Variants in DENND1A observed in about 807,000 individuals in gnomAD.
The protein encoded by DENND1A is DENN domain containing 1A.
In DENND1A, 51 loss-of-function variants were observed where a neutral mutation model predicts 113.7. The observed-to-expected ratio is 0.45, with a 90% CI of 0.36 to 0.57. The LOEUF (loss-of-function observed/expected upper bound fraction) is 0.57. Among genes scored for constraint, DENND1A ranks in the 20% least tolerant of loss-of-function variants. DENND1A has a pLI of 0.00. For missense variants in DENND1A, 1,258 were observed against 1,395.9 expected, an observed-to-expected ratio of 0.90 and a Z score of 1.57; for synonymous variants, 565 against 570.8, an observed-to-expected ratio of 0.99 and a Z score of 0.14.
chr9:123,514,092 GTGTGTATGTGTGTGTGTC>G (rs35270309), intron 13 of DENND1A, among the ~76,000 whole-genome samples: 64,813 of 137,664 alleles, frequency 0.47, 15,594 homozygotes, highest in East Asian at 0.61. Context: ...GTGTGTGTGT[GTGTGTATGTGTGTGTGTC>G]TGTGTGTGTG....
intron 2 of DENND1A, among the ~76,000 whole-genome samples, chr9:123,792,995 T>C (rs1235397964): frequency 6.6e-6 from 1 of 152,154 alleles, no homozygotes; most frequent in Non-Finnish European, 1.5e-5. Flanking sequence ...GTTACAGATG[T>C]GGGCTTGATA....
At chr9:123,837,561 C>T (rs971571297) in intron 2 of DENND1A, among the ~76,000 whole-genome samples, 6 of 152,140 alleles carry the variant, frequency 3.9e-5, no homozygotes, top group African/African-American at 9.6e-5. Flanking sequence ...TGAATAAAAA[C>T]GTTATACATA....
At chr9:123,625,936 G>A (rs1453462738) in intron 10 of DENND1A, among the ~76,000 whole-genome samples, 2 of 152,138 alleles carry the variant, frequency 1.3e-5, no homozygotes, top group Non-Finnish European at 2.9e-5. Context: ...CTGTCACCCA[G>A]ACTGGAGGGC....
At position 123,784,418 on chromosome 9, in the gene DENND1A, A is replaced by T. The variant is rs1474692174; in HGVS notation, c.132+8169T>A. Among the ~76,000 whole-genome samples, 9 of 152,180 alleles carry T rather than the reference A, an allele frequency of 5.9e-5. 1 individual carries two copies. Among genetic ancestry groups the T allele is most frequent in the Non-Finnish European group, 1.3e-4 (9 of 68,020 alleles). On this transcript the variant is annotated intron_variant, in intron 3 of 23. Transcript: ENST00000394215. ...AGCTTTGAGTGTGAATGCAGAGGGA[A>T]ACAGAAGAATAGGACAGACTAGAGA...
At chr9:123,870,671 G>A (rs748191341) in intron 2 of DENND1A, among the ~76,000 whole-genome samples, 19 of 151,904 alleles carry the variant, frequency 1.3e-4, no homozygotes, top group Admixed American at 9.2e-4. Context: ...TCCTGACCTC[G>A]TGATCCGCCC....
chr9:123,449,113 T>C (rs1057237745), intron 18 of DENND1A, among the ~76,000 whole-genome samples: 2 of 152,214 alleles, frequency 1.3e-5, no homozygotes, highest in African/African-American at 2.4e-5. Context: ...AAGGTGGCCC[T>C]GGGCAAATGA....
chr9:123,712,130 A>G (rs889967769), intron 5 of DENND1A, among the ~76,000 whole-genome samples: 2 of 152,218 alleles, frequency 1.3e-5, no homozygotes, highest in Non-Finnish European at 2.9e-5. Flanking sequence ...TATAAAATCT[A>G]CAACATCAAC....
chr9:123,660,115 T>A (rs138831253), intron 8 of DENND1A, among the ~76,000 whole-genome samples: 46 of 152,318 alleles, frequency 3.0e-4, no homozygotes, highest in African/African-American at 1.1e-3. Flanking sequence ...GTCGCTACAC[T>A]GTGCTTACGA....
At chr9:123,902,906 A>G (rs1228442005) in intron 1 of DENND1A, among the ~76,000 whole-genome samples, 1 of 152,118 alleles carries the variant, frequency 6.6e-6, no homozygotes, top group African/African-American at 2.4e-5. Context: ...ATACAGATGT[A>G]AACATAAAAC....
intron 13 of DENND1A, among the ~76,000 whole-genome samples, chr9:123,546,643 T>C (rs1448725833): frequency 6.6e-6 from 1 of 152,120 alleles, no homozygotes. Flanking sequence ...GAAACAGGTA[T>C]CAGTCATTCA....
chr9:123,609,317 G>T, intron 11 of DENND1A, 119 bp downstream of exon 11: 2 of 1,088,866 alleles, frequency 1.8e-6, no homozygotes, highest in South Asian at 1.5e-5. Context: ...GCTGGGAGGT[G>T]CTGCTTCAGC....
intron 5 of DENND1A, among the ~76,000 whole-genome samples, chr9:123,728,672 T>C (rs2067929596): frequency 6.6e-6 from 1 of 151,920 alleles, no homozygotes; most frequent in African/African-American, 2.4e-5. Context: ...ATTTTAAAAA[T>C]GAAAAACACA....
intron 5 of DENND1A, among the ~76,000 whole-genome samples, chr9:123,677,657 C>T (rs1034330177): frequency 3.9e-5 from 6 of 152,236 alleles, no homozygotes; most frequent in South Asian, 2.1e-4. Flanking sequence ...TGGTCTCGAA[C>T]TCCTGAACTC....
chr9:123,744,666 C>A (rs1226083611), intron 5 of DENND1A, among the ~76,000 whole-genome samples: 1 of 151,872 alleles, frequency 6.6e-6, no homozygotes, highest in Non-Finnish European at 1.5e-5. Flanking sequence ...TGCCCACATA[C>A]ATCTCACCTA....
intron 10 of DENND1A, among the ~76,000 whole-genome samples, chr9:123,625,325 A>C (rs2061155841): frequency 1.3e-5 from 2 of 152,264 alleles, no homozygotes; most frequent in African/African-American, 4.8e-5. Flanking sequence ...AGTGTTCAAC[A>C]GTGGCAGCTA....
At chr9:123,839,150 T>C (rs1356569553) in intron 2 of DENND1A, among the ~76,000 whole-genome samples, 1 of 151,928 alleles carries the variant, frequency 6.6e-6, no homozygotes, top group African/African-American at 2.4e-5. Context: ...GCTTGAAAGA[T>C]CATATAGACC....
intron 11 of DENND1A, among the ~76,000 whole-genome samples, chr9:123,593,585 C>G (rs748225677): frequency 6.6e-6 from 1 of 152,162 alleles, no homozygotes; most frequent in Non-Finnish European, 1.5e-5. Context: ...GTGAGAGGGG[C>G]ACACTTGATG....
chr9:123,429,362 C>G (rs2132036632), intron 19 of DENND1A, among the ~76,000 whole-genome samples: 1 of 152,250 alleles, frequency 6.6e-6, no homozygotes, highest in Non-Finnish European at 1.5e-5. Context: ...TCAAGACCAG[C>G]CTGGCTAACA....
rs201869691 is a variant in DENND1A at position 123,484,065 on chromosome 9, G to T, written c.994-26168C>A. Among the ~76,000 whole-genome samples, 6 of 152,300 alleles carry T rather than the reference G, an allele frequency of 3.9e-5. No homozygotes were observed. In the East Asian group the frequency reaches 1.2e-3, roughly 29 times the overall value. On this transcript the variant is annotated intron_variant, in intron 13 of 23. Transcript: ENST00000394215. ...TGTCTAAATCTGGTCAGAGGGACTT[G>T]GTTATGTCTGAGCAGCTCTGGTGTT... is the stretch of plus-strand genomic sequence containing the variant.
Sources: allele counts gnomAD v4.1 joint callset (sites outside exome capture counted in the v4.1 genomes callset), GRCh38; gene constraint gnomAD v4.1.1; transcripts MANE v1.5; gene names NCBI Gene and HGNC (gene_info 2026-07-23, HGNC 2026-07-21).